Variants in SRD5A2 observed in about 807,000 individuals in gnomAD.
SRD5A2 encodes 3-oxo-5-alpha-steroid 4-dehydrogenase 2.
SRD5A2 carries 30 observed loss-of-function variants against 27.4 expected under a neutral mutation model. The ratio of observed to expected loss-of-function variants is 1.10; its 90% CI spans 0.82 to 1.49. The LOEUF (loss-of-function observed/expected upper bound fraction) is 1.49, where lower values mean the gene tolerates loss of function less well. SRD5A2 is among the 40% of genes most tolerant of loss of function. The probability of loss-of-function intolerance (pLI) is 0.00; values close to 1 mark genes in which losing one functional copy is unlikely to be tolerated. For synonymous variants in SRD5A2, 141 were observed against 133.6 expected (o/e 1.06, Z -0.38); for missense variants, 348 against 323.4 (o/e 1.08, Z -0.58).
chr2:31,583,645 AAAAAACCAAAAAAAAAGC>A (rs1667124899), upstream of SRD5A2, among the ~76,000 whole-genome samples: 3 of 29,122 alleles, frequency 1.0e-4, no homozygotes, highest in African/African-American at 1.0e-4. Context: ...AAAAGCAAAA[AAAAAACCAAAAAAAAAGC>A]AAAAAAAAAA....
the SRD5A2 span, among the ~76,000 whole-genome samples, chr2:31,636,841 G>T: frequency 1.3e-5 from 2 of 152,068 alleles, no homozygotes; most frequent in Admixed American, 6.6e-5. Context: ...CACGGTAAAT[G>T]ATCTTTTTAA....
chr2:31,617,810 A>G, the SRD5A2 span, among the ~76,000 whole-genome samples: 2 of 152,222 alleles, frequency 1.3e-5, no homozygotes, highest in Non-Finnish European at 2.9e-5. Context: ...TTTTTGTCAA[A>G]AACATTCAAC....
the SRD5A2 span, among the ~76,000 whole-genome samples, chr2:31,593,715 G>A: frequency 8.6e-5 from 13 of 152,032 alleles, no homozygotes; most frequent in South Asian, 2.1e-4. Context: ...GAAATTCATC[G>A]CAAAAAGATA....
rs535037674 is a variant in SRD5A2, at chr2:31,569,166, C to T, written c.281+11454G>A. Among the ~76,000 whole-genome samples the T allele has an allele frequency of 7.2e-5, 11 of 152,364 alleles. No homozygotes were observed. The South Asian group carries it at 1.0e-3, about 14-fold the overall frequency. ...CTGGCCGTGCCAGCTCTGTGGAGTG[C>T]GCAGCCCCAGCCATGCCTCTAACAC... is the stretch of plus-strand genomic sequence containing the variant. On this transcript the variant is annotated intron_variant, in intron 1 of 4. Transcript: ENST00000622030.
At chr2:31,548,228 G>GA (rs1287031551) in intron 1 of SRD5A2, among the ~76,000 whole-genome samples, 5 of 151,944 alleles carry the variant, frequency 3.3e-5, no homozygotes, top group African/African-American at 1.2e-4. Context: ...GCCAACAAAA[G>GA]AAAAAACAGA....
the SRD5A2 span, among the ~76,000 whole-genome samples, chr2:31,632,708 C>A: frequency 6.6e-6 from 1 of 152,166 alleles, no homozygotes; most frequent in Non-Finnish European, 1.5e-5. Context: ...ATACTTCTCC[C>A]AGCCACAAAG....
intron 1 of SRD5A2, among the ~76,000 whole-genome samples, chr2:31,537,061 C>T (rs28383028): frequency 1.1e-4 from 17 of 152,300 alleles, no homozygotes; most frequent in Non-Finnish European, 2.1e-4. Flanking sequence ...TTTAAAATTA[C>T]ACATCTTGCA....
chr2:31,566,565 G>T (rs1572651321), intron 1 of SRD5A2, among the ~76,000 whole-genome samples: 1 of 152,264 alleles, frequency 6.6e-6, no homozygotes, highest in Non-Finnish European at 1.5e-5. Flanking sequence ...TTTGGACTTT[G>T]CCAAGTGCTA....
At chr2:31,606,444 TAGAA>T in the SRD5A2 span, among the ~76,000 whole-genome samples, 3 of 151,756 alleles carry the variant, frequency 2.0e-5, no homozygotes, top group East Asian at 1.9e-4. Context: ...AAATTAAAAA[TAGAA>T]AGGAAGAGAG....
chr2:31,629,722 T>C, the SRD5A2 span, among the ~76,000 whole-genome samples: 3,165 of 152,202 alleles, frequency 0.021, 120 homozygotes, highest in African/African-American at 0.072. Context: ...GCCAGAAGTC[T>C]CTACTCAACA....
the SRD5A2 span, among the ~76,000 whole-genome samples, chr2:31,594,856 C>A: frequency 6.6e-6 from 1 of 152,116 alleles, no homozygotes; most frequent in South Asian, 2.1e-4. Context: ...ATAGCAAGTA[C>A]TCTGTCATAC....
At chr2:31,601,715 A>G in the SRD5A2 span, among the ~76,000 whole-genome samples, 1 of 152,020 alleles carries the variant, frequency 6.6e-6, no homozygotes, top group Non-Finnish European at 1.5e-5. Flanking sequence ...CATCCACCAT[A>G]GTCAAGTAGG....
chr2:31,655,177 C>T, the SRD5A2 span, among the ~76,000 whole-genome samples: 1 of 152,162 alleles, frequency 6.6e-6, no homozygotes, highest in Non-Finnish European at 1.5e-5. Context: ...TCTCGACTCA[C>T]TGCAACCTCT....
chr2:31,610,806 A>T, the SRD5A2 span, among the ~76,000 whole-genome samples: 1 of 152,212 alleles, frequency 6.6e-6, no homozygotes. Flanking sequence ...TTACAAAATC[A>T]ACATACAAAA....
the SRD5A2 span, among the ~76,000 whole-genome samples, chr2:31,595,821 C>A: frequency 6.6e-6 from 1 of 152,076 alleles, no homozygotes; most frequent in Non-Finnish European, 1.5e-5. Flanking sequence ...TACTAGCCAA[C>A]AGAATCCAAC....
chr2:31,617,316 C>T, the SRD5A2 span, among the ~76,000 whole-genome samples: 1 of 152,102 alleles, frequency 6.6e-6, no homozygotes, highest in Non-Finnish European at 1.5e-5. Context: ...GGTCCTGATG[C>T]AGCACACAGG....
the SRD5A2 span, among the ~76,000 whole-genome samples, chr2:31,625,888 T>A: frequency 6.6e-6 from 1 of 152,234 alleles, no homozygotes; most frequent in Non-Finnish European, 1.5e-5. Flanking sequence ...TTTTTTCCAA[T>A]TCTGTGAAGA....
chr2:31,635,399 G>C, the SRD5A2 span, among the ~76,000 whole-genome samples: 1 of 151,878 alleles, frequency 6.6e-6, no homozygotes, highest in Non-Finnish European at 1.5e-5. Flanking sequence ...TGGATTATTA[G>C]ATTTTTTTCC....
At chr2:31,553,487 T>G (rs1240772819) in intron 1 of SRD5A2, among the ~76,000 whole-genome samples, 1 of 152,108 alleles carries the variant, frequency 6.6e-6, no homozygotes, top group Non-Finnish European at 1.5e-5. Flanking sequence ...TACAATCAAA[T>G]TGCCAAAATA....
Sources: gnomAD v4.1 joint callset for allele counts (sites outside exome capture counted in the v4.1 genomes callset) on GRCh38, gnomAD v4.1.1 for gene constraint, MANE v1.5 for transcripts, NCBI Gene and HGNC (gene_info 2026-07-23, HGNC 2026-07-21) for gene names.